The following LOC112694756 variants were observed in gnomAD, a reference collection of about 807,000 sequenced individuals.
the LOC112694756 span, among the ~76,000 whole-genome samples, chr16:30,062,496 C>T: frequency 4.2e-5 from 6 of 142,422 alleles, no homozygotes; most frequent in South Asian, 2.2e-4. Flanking sequence ...CGCGCCATGG[C>T]ACTCCAGCCT....
the LOC112694756 span, chr16:30,070,229 G>C: frequency 1.9e-6 from 3 of 1,613,536 alleles, no homozygotes; most frequent in Non-Finnish European, 2.5e-6. Flanking sequence ...GTGTTCCCAG[G>C]CTGCCCCCAA....
chr16:30,070,379 C>T, the LOC112694756 span: 36 of 656,886 alleles, frequency 5.5e-5, no homozygotes, highest in Admixed American at 2.9e-4. Flanking sequence ...TCACCCTTTC[C>T]GGCACACTGC....
the LOC112694756 span, chr16:30,064,441 T>G: frequency 7.5e-6 from 3 of 398,666 alleles, no homozygotes; most frequent in Non-Finnish European, 8.8e-6. Flanking sequence ...GCCAAAGATT[T>G]ATTTCTCTTG....
the LOC112694756 span, chr16:30,068,561 C>G: frequency 1.4e-5 from 20 of 1,471,070 alleles, no homozygotes; most frequent in Non-Finnish European, 1.7e-5. Context: ...TGAGATTCCA[C>G]CACTGTACTC....
the LOC112694756 span, chr16:30,067,612 G>A: frequency 9.3e-6 from 15 of 1,613,998 alleles, no homozygotes; most frequent in South Asian, 1.4e-4. Flanking sequence ...GATGATGGGC[G>A]TCCCTTCCCC....
the LOC112694756 span, among the ~76,000 whole-genome samples, chr16:30,056,773 A>G: frequency 2.0e-5 from 3 of 151,612 alleles, no homozygotes; most frequent in African/African-American, 7.3e-5. Context: ...GCTAATGTTT[A>G]TATCTTTCAC....
At chr16:30,066,870 C>A in the LOC112694756 span, 3 of 1,545,566 alleles carry the variant, frequency 1.9e-6, no homozygotes, top group South Asian at 1.2e-5. Flanking sequence ...TACTCCGGTT[C>A]GGTTTTGTTT....
the LOC112694756 span, among the ~76,000 whole-genome samples, chr16:30,056,845 C>G: frequency 6.6e-6 from 1 of 151,652 alleles, no homozygotes; most frequent in African/African-American, 2.4e-5. Flanking sequence ...AAGCGATCTG[C>G]CATCCTCAGC....
the LOC112694756 span, chr16:30,069,429 C>G: frequency 3.7e-6 from 6 of 1,613,928 alleles, no homozygotes; most frequent in East Asian, 2.2e-5. Context: ...GGTGGCTGGC[C>G]GGGGACCCTG....
At chr16:30,068,359 C>G in the LOC112694756 span, 4 of 424,704 alleles carry the variant, frequency 9.4e-6, no homozygotes, top group Non-Finnish European at 1.8e-5. Context: ...CCACCATGCC[C>G]GGCTTAAGTA....
At chr16:30,063,057 C>A in the LOC112694756 span, among the ~76,000 whole-genome samples, 1 of 151,244 alleles carries the variant, frequency 6.6e-6, no homozygotes, top group Non-Finnish European at 1.5e-5. Flanking sequence ...GGCAGAACTA[C>A]TTGAACCCAG....
chr16:30,055,115 GCTGCCTTGGCTGTCA>G, the LOC112694756 span: 2 of 398,910 alleles, frequency 5.0e-6, no homozygotes, highest in South Asian at 2.5e-4. Context: ...CCTCGGGAAA[GCTGCCTTGGCTGTCA>G]CTACCTGCTG....
the LOC112694756 span, chr16:30,065,976 C>T: frequency 6.5e-6 from 1 of 153,094 alleles, no homozygotes; most frequent in Non-Finnish European, 1.5e-5. Flanking sequence ...GGAGAGGGAT[C>T]TTGGGGGCAG....
the LOC112694756 span, chr16:30,070,021 C>T: frequency 1.9e-6 from 3 of 1,613,622 alleles, no homozygotes; most frequent in Non-Finnish European, 2.5e-6. Flanking sequence ...GTATGTCAAG[C>T]GAGCCCTGGT....
the LOC112694756 span, chr16:30,063,676 G>A: frequency 2.5e-6 from 1 of 399,228 alleles, no homozygotes; most frequent in Non-Finnish European, 4.4e-6. Context: ...CCCTTAGAGA[G>A]CAACAGACGT....
the LOC112694756 span, chr16:30,068,796 T>C: frequency 1.2e-6 from 2 of 1,614,212 alleles, no homozygotes; most frequent in South Asian, 2.2e-5. Context: ...CACCGTGCTC[T>C]GACCCCTTCC....
chr16:30,062,551 A>C, the LOC112694756 span, among the ~76,000 whole-genome samples: 1 of 149,442 alleles, frequency 6.7e-6, no homozygotes, highest in East Asian at 2.0e-4. Context: ...AAAAAAAAGT[A>C]CAAAAAATGA....
At chr16:30,069,232 C>T in the LOC112694756 span, 4 of 1,522,710 alleles carry the variant, frequency 2.6e-6, no homozygotes, top group Non-Finnish European at 2.7e-6. Context: ...CGGTCTTGAC[C>T]AGTGGCTGTG....
the LOC112694756 span, among the ~76,000 whole-genome samples, chr16:30,058,661 AT>A: frequency 6.6e-6 from 1 of 151,412 alleles, no homozygotes; most frequent in Non-Finnish European, 1.5e-5. Context: ...AATTTTTTGT[AT>A]TTTTAGTAGA....
Sources: gnomAD v4.1 joint callset for allele counts (sites outside exome capture counted in the v4.1 genomes callset) on GRCh38, gnomAD v4.1.1 for gene constraint, MANE v1.5 for transcripts.